The following TBC1D8 variants were observed in gnomAD, a reference collection of about 807,000 sequenced individuals.
TBC1D8 encodes the protein TBC1 domain family member 8, also known as BUB2-like protein 1.
In TBC1D8, 65 loss-of-function variants were observed where a neutral mutation model predicts 118.8. The ratio of observed to expected loss-of-function variants is 0.55; its 90% CI spans 0.45 to 0.67. The LOEUF (loss-of-function observed/expected upper bound fraction) is 0.67. TBC1D8 is among the 30% of genes least tolerant of loss of function. The pLI is 0.00. For synonymous variants in TBC1D8, 566 were observed against 595.8 expected, an observed-to-expected ratio of 0.95 and a Z score of 0.73; for missense variants, 1,376 against 1,471.2, an observed-to-expected ratio of 0.94 and a Z score of 1.06.
chr2:101,120,222 TC>T (rs1487466544), intron 1 of TBC1D8, among the ~76,000 whole-genome samples: 3 of 152,172 alleles, frequency 2.0e-5, no homozygotes, highest in African/African-American at 7.2e-5. Context: ...GTCATCCTGA[TC>T]CTTCTGCCTC....
intron 1 of TBC1D8, among the ~76,000 whole-genome samples, chr2:101,112,874 T>C (rs796062): frequency 0.12 from 18,301 of 152,262 alleles, 1,354 homozygotes; most frequent in South Asian, 0.21. Context: ...CAGCACTCTT[T>C]TGCCAGTTTC....
chr2:101,038,636 A>G lies in TBC1D8; in HGVS notation c.1100T>C (p.Met367Thr), dbSNP rs780771763. Residue 367 changes from methionine to threonine, a missense_variant, in exon 7 of 20, where the codon ATG becomes ACG. Transcript: ENST00000409318. ...ATGCGGCAGCAGGCTCGTGTCCTCC[A>G]TCTTCTCGATGCTCACCACCTGCGC... ...PLREVVSIEK[M>T]EDTSLLPHPI... 6 of 1,613,968 alleles carry G rather than the reference A, an allele frequency of 3.7e-6. No individual in the cohort carries two copies. Among genetic ancestry groups the G allele is most frequent in the South Asian group, 3.3e-5 (3 of 91,080 alleles).
At chr2:101,099,831 T>C (rs1676710384) in intron 1 of TBC1D8, among the ~76,000 whole-genome samples, 1 of 152,164 alleles carries the variant, frequency 6.6e-6, no homozygotes, top group Non-Finnish European at 1.5e-5. Flanking sequence ...TTAAAAACTC[T>C]CAATAAACTA....
intron 1 of TBC1D8, among the ~76,000 whole-genome samples, chr2:101,100,307 G>T (rs116793482): frequency 6.6e-6 from 1 of 152,102 alleles, no homozygotes; most frequent in African/African-American, 2.4e-5. Flanking sequence ...GCTAACAAGC[G>T]ATGTGAAGGG....
intron 2 of TBC1D8, among the ~76,000 whole-genome samples, chr2:101,066,944 CAAAAAAAA>C (rs543680787): frequency 1.2e-4 from 14 of 114,904 alleles, no homozygotes; most frequent in African/African-American, 2.1e-4. Context: ...GAGAGTATCC[CAAAAAAAA>C]AAAAAAAAAA....
intron 17 of TBC1D8, among the ~76,000 whole-genome samples, chr2:101,016,552 G>C (rs1377886284): frequency 6.6e-6 from 1 of 152,140 alleles, no homozygotes; most frequent in East Asian, 1.9e-4. Flanking sequence ...AATACCATTT[G>C]ACCCAGCCAT....
intron 19 of TBC1D8, among the ~76,000 whole-genome samples, chr2:101,009,438 T>C (rs1368646122): frequency 6.7e-6 from 1 of 149,574 alleles, no homozygotes; most frequent in African/African-American, 2.5e-5. Flanking sequence ...AATGCTTGGG[T>C]ACTAATATAA....
chr2:101,083,612 A>C (rs1213304146), intron 2 of TBC1D8, among the ~76,000 whole-genome samples: 1 of 152,190 alleles, frequency 6.6e-6, no homozygotes, highest in African/African-American at 2.4e-5. Flanking sequence ...TTATCTACCT[A>C]TCTCTACTTA....
rs374599687 is a variant in TBC1D8 at position 101,059,496 on chromosome 2, T to C, written c.327A>G (p.Glu109=). The change falls in exon 3 of 20, where the codon GAA becomes GAG. Residue 109 remains glutamate, a synonymous_variant. Transcript: ENST00000409318. ...CAGACAAGGTGTGGAGGAGATTTTG[T>C]TCCAGCCAGTCCCAGTGCTGATTGA... is the stretch of plus-strand genomic sequence containing the variant. ...EEINQHWDWL[E]QNLLHTLSVF... 9.9e-6 allele frequency: 16 copies of C among 1,613,856 alleles called. No homozygotes were observed. The African/African-American group carries it at 2.1e-4, about 22-fold the overall frequency.
At position 101,102,723 on chromosome 2, in the gene TBC1D8, A is replaced by G. The variant is rs546609525; in HGVS notation, c.128-12359T>C. ...TTAATTTTAGACAAATAGACTTCAA[A>G]ACAGGAAATATTATCAGGAATAAAG... On this transcript the variant is annotated intron_variant, in intron 1 of 19. Coordinates refer to ENST00000409318, the MANE Select transcript of TBC1D8 (RefSeq NM_001330348.2). 6.2e-4 allele frequency among the ~76,000 whole-genome samples: 94 copies of G among 152,160 alleles called. No homozygotes were observed. The Middle Eastern group carries it at 0.01, about 17-fold the overall frequency.
chr2:101,017,143 A>G (rs529834576), intron 17 of TBC1D8, among the ~76,000 whole-genome samples: 4 of 151,978 alleles, frequency 2.6e-5, no homozygotes, highest in Non-Finnish European at 5.9e-5. Context: ...CGTCAATATC[A>G]GTGTCTTCCA....
intron 1 of TBC1D8, among the ~76,000 whole-genome samples, chr2:101,092,162 A>G (rs1046058238): frequency 8.5e-5 from 13 of 152,352 alleles, no homozygotes; most frequent in African/African-American, 3.1e-4. Flanking sequence ...GGTCTGGAGA[A>G]GTCTTTCACT....
chr2:101,017,270 TA>T (rs1222365102), intron 17 of TBC1D8, among the ~76,000 whole-genome samples: 1 of 152,136 alleles, frequency 6.6e-6, no homozygotes, highest in African/African-American at 2.4e-5. Flanking sequence ...TTTTACAGTT[TA>T]TTTTTTTTAA....
chr2:101,028,372 G>C lies in TBC1D8; in HGVS notation c.2283C>G (p.Ala761=). The C allele has an allele frequency of 6.2e-7, 1 of 1,611,784 alleles. No individual in the cohort carries two copies. The highest frequency in any genetic ancestry group is 8.5e-7 in the Non-Finnish European group (1 of 1,178,962). ...AGGGCTCCTGGTCGTCGGAGAAAAA[G>C]GCATGGTGGCTGCCAACTGGGGGCC... The part of the protein sequence containing the change: ...SPGPPVGSHH[A]FFSDDQEPYP... Residue 761 remains alanine, a synonymous_variant, in exon 13 of 20, where the codon GCC becomes GCG. Transcript: ENST00000409318.
chr2:101,070,197 G>T lies in TBC1D8; in HGVS notation c.284-10658C>A, dbSNP rs557358214. ...CTCCCAAAGTGCTGGGATTACATGT[G>T]TGAGCCACTGCTCCCGGCCTACATT... On this transcript the variant is annotated intron_variant, in intron 2 of 19. Transcript: ENST00000409318. Among the ~76,000 whole-genome samples, 3 of 151,978 alleles carry T rather than the reference G, an allele frequency of 2.0e-5. No homozygotes were observed. In the South Asian group the frequency reaches 6.2e-4, roughly 32 times the overall value.
chr2:101,117,946 G>A (rs923149297), intron 1 of TBC1D8, among the ~76,000 whole-genome samples: 6 of 150,764 alleles, frequency 4.0e-5, no homozygotes, highest in Non-Finnish European at 7.4e-5. Context: ...AGAAGGGGGT[G>A]GGAGGACGGC....
chr2:101,090,192 A>C lies in TBC1D8; in HGVS notation c.283+17T>G. The C allele has an allele frequency of 1.2e-6, 2 of 1,606,820 alleles. No homozygotes were observed. The highest frequency in any genetic ancestry group is 1.7e-6 in the Non-Finnish European group (2 of 1,176,328). ...ACACCTTAAGGTTTGGAACATTCCAACTGGAACAAAACTCACCAGTGGCTA... is the reference window on the plus strand; with the variant it reads ...ACACCTTAAGGTTTGGAACATTCCACCTGGAACAAAACTCACCAGTGGCTA... On this transcript the variant is annotated intron_variant, in intron 2 of 19. Coordinates refer to ENST00000409318, the MANE Select transcript of TBC1D8 (RefSeq NM_001330348.2).
intron 15 of TBC1D8, among the ~76,000 whole-genome samples, chr2:101,025,212 CT>C (rs11354323): frequency 0.19 from 28,197 of 147,798 alleles, 2,829 homozygotes; most frequent in Middle Eastern, 0.33. Context: ...ACAATAGGCC[CT>C]TTTTTTTTTT....
At chr2:101,026,192 T>A (rs1010817938) in intron 15 of TBC1D8, among the ~76,000 whole-genome samples, 1 of 152,014 alleles carries the variant, frequency 6.6e-6, no homozygotes, top group African/African-American at 2.4e-5. Context: ...CAATTAGCCC[T>A]AAATAAATCA....
Sources: allele counts gnomAD v4.1 joint callset (sites outside exome capture counted in the v4.1 genomes callset), GRCh38; gene constraint gnomAD v4.1.1; transcripts MANE v1.5; gene names NCBI Gene and HGNC (gene_info 2026-07-23, HGNC 2026-07-21).